The following SEM1 variants were observed in gnomAD, a reference collection of about 807,000 sequenced individuals.
The protein encoded by SEM1 is 26S proteasome complex subunit SEM1.
SEM1 carries 3 observed loss-of-function variants against 12.7 expected under a neutral mutation model. The ratio of observed to expected loss-of-function variants is 0.24; its 90% CI spans 0.11 to 0.61. SEM1 has a LOEUF of 0.61. Among genes scored for constraint, SEM1 ranks in the 20% least tolerant of loss-of-function variants. The pLI is 0.88. For missense variants in SEM1, 59 were observed against 81.3 expected, an observed-to-expected ratio of 0.73 and a Z score of 1.06; for synonymous variants, 30 against 27.8, an observed-to-expected ratio of 1.08 and a Z score of -0.25.
At chr7:96,650,391 C>T (rs1158386851) in intron 2 of SEM1, 1 of 660,658 alleles carries the variant, frequency 1.5e-6, no homozygotes, top group Non-Finnish European at 2.7e-6. Flanking sequence ...AGGTTCCAGC[C>T]TCCTGGGCAT....
intron 2 of SEM1, among the ~76,000 whole-genome samples, chr7:96,625,182 G>C (rs543777800): frequency 6.6e-6 from 1 of 152,230 alleles, no homozygotes; most frequent in African/African-American, 2.4e-5. Flanking sequence ...GAGTACTGTG[G>C]CTACTGCCTC....
intron 1 of SEM1, among the ~76,000 whole-genome samples, chr7:96,697,629 CAACCT>C (rs1266224062): frequency 6.6e-6 from 1 of 152,088 alleles, no homozygotes; most frequent in Non-Finnish European, 1.5e-5. Context: ...TGAACATAAA[CAACCT>C]AATCTCCAAC....
rs139057714 is a variant in SEM1, at chr7:96,572,949, T to C, written c.171-66251A>G. Among the ~76,000 whole-genome samples the C allele has an allele frequency of 4.0e-4, 61 of 152,332 alleles. 1 individual carries two copies. In the East Asian group the frequency reaches 0.011, roughly 28 times the overall value. ...TTTGTAGGTCTCTAAGAACATGCTT[T>C]ATGAATCTGGGTGCTCCTGTATAGG... On this transcript the variant is annotated intron_variant and NMD_transcript_variant, in intron 2 of 3. Transcript: ENST00000466986.
At chr7:96,489,385 G>T (rs1802910233) in intron 1 of SEM1, among the ~76,000 whole-genome samples, 1 of 152,144 alleles carries the variant, frequency 6.6e-6, no homozygotes, top group Non-Finnish European at 1.5e-5. Context: ...GGAAGCCTGT[G>T]TGGGGCCAGA....
At chr7:96,675,226 C>T (rs1789421120) in intron 2 of SEM1, among the ~76,000 whole-genome samples, 1 of 152,166 alleles carries the variant, frequency 6.6e-6, no homozygotes, top group Non-Finnish European at 1.5e-5. Context: ...CTTCTGCACA[C>T]AGTATGGGGC....
chr7:96,563,258 G>T (rs1017723938), intron 2 of SEM1, among the ~76,000 whole-genome samples: 7 of 152,084 alleles, frequency 4.6e-5, no homozygotes, highest in African/African-American at 1.7e-4. Context: ...GGAGGGTTGG[G>T]AAGGTATATT....
intron 1 of SEM1, among the ~76,000 whole-genome samples, chr7:96,703,317 T>C (rs145650800): frequency 5.3e-5 from 8 of 152,306 alleles, no homozygotes; most frequent in Admixed American, 4.6e-4. Flanking sequence ...ATGGTTGTCT[T>C]GTGACTATGT....
At chr7:96,565,678 T>C (rs1264147953) in intron 2 of SEM1, among the ~76,000 whole-genome samples, 2 of 151,778 alleles carry the variant, frequency 1.3e-5, no homozygotes, top group African/African-American at 4.8e-5. Flanking sequence ...ACAGCACTAA[T>C]TTTACTGATG....
intron 1 of SEM1, chr7:96,708,043 T>TA (rs1386446665): frequency 6.6e-6 from 1 of 152,252 alleles, no homozygotes; most frequent in East Asian, 1.9e-4. Flanking sequence ...GTGATAGTGA[T>TA]AATTAGATTA....
At chr7:96,658,705 A>T (rs1809265261) in intron 2 of SEM1, among the ~76,000 whole-genome samples, 1 of 152,154 alleles carries the variant, frequency 6.6e-6, no homozygotes. Context: ...CAACGTGAAG[A>T]CTTCTGCAAT....
intron 2 of SEM1, among the ~76,000 whole-genome samples, chr7:96,657,796 C>T (rs557716396): frequency 2.6e-5 from 4 of 152,332 alleles, no homozygotes; most frequent in South Asian, 2.1e-4. Context: ...ACCACAACAA[C>T]GCCAGTGGCC....
chr7:96,615,686 C>T (rs778291779), intron 2 of SEM1, among the ~76,000 whole-genome samples: 1 of 152,008 alleles, frequency 6.6e-6, no homozygotes, highest in African/African-American at 2.4e-5. Flanking sequence ...TTAATATACC[C>T]ATAACCCACA....
At chr7:96,557,913 G>T (rs1053993375) in intron 2 of SEM1, among the ~76,000 whole-genome samples, 7 of 152,176 alleles carry the variant, frequency 4.6e-5, no homozygotes, top group African/African-American at 1.7e-4. Context: ...TTTTAAGGCC[G>T]TTGGAAAAGG....
exon 4 of SEM1, chr7:96,481,947 T>C (rs1802558916): frequency 1.3e-5 from 2 of 152,172 alleles, no homozygotes; most frequent in Admixed American, 6.6e-5. Context: ...TTGAGTAGCA[T>C]GGGAACCAGG....
intron 2 of SEM1, chr7:96,645,919 A>G (rs181540124): frequency 1.8e-4 from 71 of 398,314 alleles, no homozygotes; most frequent in African/African-American, 1.4e-3. Context: ...TTATGGGTAG[A>G]GATGATGCTG....
rs1277507101 is a variant in SEM1 at position 96,694,854 on chromosome 7, G to T, written c.114C>A (p.Val38=). 9 of 1,611,056 alleles carry T rather than the reference G, an allele frequency of 5.6e-6. No homozygotes were observed. The highest frequency in any genetic ancestry group is 7.6e-6 in the Non-Finnish European group (9 of 1,177,810). The change falls in exon 2 of 3, where the codon GTC becomes GTA. Residue 38 remains valine (V), a synonymous_variant. Transcript: ENST00000248566. ...TGTCATCATCCCAATTATCCTCCCAGACATGTGCATCTTCATCTTCATCTA... is the reference window on the plus strand; with the variant it reads ...TGTCATCATCCCAATTATCCTCCCATACATGTGCATCTTCATCTTCATCTA... ...AGLDEDEDAH[V]WEDNWDDDNV...
chr7:96,517,674 A>G (rs1456175774), intron 2 of SEM1, among the ~76,000 whole-genome samples: 8 of 152,054 alleles, frequency 5.3e-5, no homozygotes, highest in African/African-American at 1.7e-4. Flanking sequence ...TAACATAAAT[A>G]TTTGTATGCT....
chr7:96,673,620 T>G, exon 3 of SEM1: 1 of 638,390 alleles, frequency 1.6e-6, no homozygotes, highest in African/African-American at 1.8e-5. Context: ...CCTGAAATGC[T>G]GTAGCACCAC....
intron 1 of SEM1, among the ~76,000 whole-genome samples, chr7:96,705,905 A>G (rs1434682867): frequency 6.6e-6 from 1 of 152,174 alleles, no homozygotes; most frequent in Non-Finnish European, 1.5e-5. Flanking sequence ...TGATTTGAAA[A>G]ATGAAATCTT....
Sources: allele counts gnomAD v4.1 joint callset (sites outside exome capture counted in the v4.1 genomes callset), GRCh38; gene constraint gnomAD v4.1.1; transcripts MANE v1.5; gene names NCBI Gene and HGNC (gene_info 2026-07-23, HGNC 2026-07-21).